Variants in DPY19L1 observed in about 807,000 individuals in gnomAD.
DPY19L1 encodes protein C-mannosyl-transferase DPY19L1.
A neutral mutation model predicts 96.9 loss-of-function variants in DPY19L1; 35 were observed. The ratio of observed to expected loss-of-function variants is 0.36; its 90% CI spans 0.28 to 0.48. The LOEUF is 0.48. Among genes scored for constraint, DPY19L1 ranks in the 20% least tolerant of loss-of-function variants. DPY19L1 has a pLI of 0.99. For missense variants in DPY19L1, 521 were observed against 777.9 expected (o/e 0.67, Z 3.93); for synonymous variants, 205 against 252.6 (o/e 0.81, Z 1.79).
chr7:34,959,477 A>T (rs1294797411), intron 10 of DPY19L1, among the ~76,000 whole-genome samples: 2 of 152,216 alleles, frequency 1.3e-5, no homozygotes, highest in Non-Finnish European at 2.9e-5. Flanking sequence ...ATGCCTGTCA[A>T]TGATAGTCTG....
At position 34,949,969 on chromosome 7, in the gene DPY19L1, C is replaced by A. The variant is rs994444037; in HGVS notation, c.1321-71G>T. 1.2e-5 allele frequency: 10 copies of A among 824,242 alleles called. No individual in the cohort carries two copies. The African/African-American group carries it at 1.5e-4, about 12-fold the overall frequency. The allele number at this position is 824,242 out of a possible 1,614,324, so 51.1% of individuals were successfully genotyped here. On this transcript the variant is annotated intron_variant, in intron 13 of 21. Coordinates refer to ENST00000638088, the MANE Select transcript of DPY19L1 (RefSeq NM_001366673.1). ...TAATATATTTTAATTTCAATAGTAT[C>A]TGAAAATAGTTTTCATTACATTATA...
At chr7:34,977,252 T>G (rs1394630478) in intron 7 of DPY19L1, among the ~76,000 whole-genome samples, 1 of 152,200 alleles carries the variant, frequency 6.6e-6, no homozygotes, top group Admixed American at 6.5e-5. Flanking sequence ...GATCAAAATT[T>G]GTAAAGTCAT....
In DPY19L1 at chr7:34,947,647, C is replaced by A. The variant is rs371744774; in HGVS notation, c.1477G>T (p.Val493Phe). 1 of 1,611,882 alleles carries A rather than the reference C, an allele frequency of 6.2e-7. No homozygotes were observed. The highest frequency in any genetic ancestry group is 1.1e-5 in the South Asian group (1 of 90,652). ...LLLPVVLVVF[V>F]AIVRKIISDM... Reference sequence around the variant, plus strand: ...AGACATACCTTTCTAACAATAGCAACAAACACTACAAGAACAACTGGAAGC... The same window carrying A: ...AGACATACCTTTCTAACAATAGCAAAAAACACTACAAGAACAACTGGAAGC... Residue 493 changes from valine to phenylalanine, a missense_variant, in exon 15 of 22, where the codon GTT becomes TTT. Val to Phe is a conservative substitution (Grantham distance 50, BLOSUM62 -1). Coordinates refer to ENST00000638088, the MANE Select transcript of DPY19L1 (RefSeq NM_001366673.1).
intron 1 of DPY19L1, among the ~76,000 whole-genome samples, chr7:35,035,868 A>G (rs1358607516): frequency 1.3e-5 from 2 of 151,608 alleles, no homozygotes; most frequent in Non-Finnish European, 2.9e-5. Flanking sequence ...AGCTTTTCTA[A>G]CCTGCATACT....
At chr7:35,018,647 CT>C in intron 1 of DPY19L1, 51 bp from the exon 2 acceptor site, 2 of 1,508,140 alleles carry the variant, frequency 1.3e-6, no homozygotes, top group Non-Finnish European at 1.8e-6. Context: ...ACATGTTCAT[CT>C]TACAGAAAAG....
At chr7:34,939,959 T>C (rs1331162002) in intron 19 of DPY19L1, among the ~76,000 whole-genome samples, 194 bp downstream of exon 19, 3 of 152,158 alleles carry the variant, frequency 2.0e-5, no homozygotes, top group Non-Finnish European at 2.9e-5. Flanking sequence ...TAAGAACATA[T>C]GTATAACATT....
intron 6 of DPY19L1, among the ~76,000 whole-genome samples, chr7:34,997,436 C>CAAAAAAAAAAAA (rs397836742): frequency 3.3e-5 from 3 of 91,934 alleles, no homozygotes; most frequent in Non-Finnish European, 4.1e-5. Flanking sequence ...ACTAAAAATA[C>CAAAAAAAAAAAA]AAAAAAAAAA....
intron 7 of DPY19L1, among the ~76,000 whole-genome samples, chr7:34,973,951 G>A (rs1226315192): frequency 6.6e-6 from 1 of 152,134 alleles, no homozygotes; most frequent in African/African-American, 2.4e-5. Flanking sequence ...TTTATCTATT[G>A]TTTGTCTTCT....
Position 34,934,047 on chromosome 7 carries a change from T to C in DPY19L1, c.2091-2318A>G, listed in dbSNP as rs1783813542. Among the ~76,000 whole-genome samples, 3 of 151,854 alleles carry C rather than the reference T, an allele frequency of 2.0e-5. No individual in the cohort carries two copies. In the South Asian group the frequency reaches 6.3e-4, roughly 32 times the overall value. ...GGTGTGATCTCGGCTCACTGCAAGC[T>C]CCACCTCCCAGGTTCACGTCATTCT... On this transcript the variant is annotated intron_variant, in intron 21 of 21. Coordinates refer to ENST00000638088, the MANE Select transcript of DPY19L1 (RefSeq NM_001366673.1).
At position 34,952,559 on chromosome 7, in the gene DPY19L1, C is replaced by G. The variant is rs1477915908; in HGVS notation, c.1320+2139G>C. On this transcript the variant is annotated intron_variant, in intron 13 of 21. Transcript: ENST00000638088. The stretch of plus-strand genomic sequence containing the variant: ...TTTAGGAGATGACATTACCCTGAAA[C>G]CAAAACCAGACAAAATCATTACAAG... Among the ~76,000 whole-genome samples, 5 of 152,076 alleles carry G rather than the reference C, an allele frequency of 3.3e-5. No individual in the cohort carries two copies. The East Asian group carries it at 7.7e-4, about 23-fold the overall frequency.
rs1786455298 is a variant in DPY19L1, at chr7:35,037,377, C to T, written c.18G>A (p.Arg6=). The T allele has an allele frequency of 2.8e-6, 1 of 351,044 alleles. No individual in the cohort carries two copies. The highest frequency in any genetic ancestry group is 4.7e-5 in the Admixed American group (1 of 21,054). 21.7% of individuals were successfully genotyped at this position (351,044 alleles called of 1,614,324 possible). A position where few individuals can be genotyped will look rare whatever the true frequency, so the allele number is the denominator to read the frequency against. MVLQA[R]NKHREAAPKP... is the part of the protein sequence containing the mutation. The stretch of plus-strand genomic sequence containing the variant: ...TGGGAGCCGCCTCCCGGTGCTTGTT[C>T]CGCGCCTGCAGGACCATCTTGGCAT... The change falls in exon 1 of 22, where the codon CGG becomes CGA. Residue 6 remains arginine (R), a synonymous_variant. Transcript: ENST00000638088.
chr7:35,010,552 T>G lies in DPY19L1; in HGVS notation c.680A>C (p.Asp227Ala), dbSNP rs1302454118. 6.2e-7 allele frequency: 1 copy of G among 1,607,532 alleles called. No individual in the cohort carries two copies. Among genetic ancestry groups the G allele is most frequent in the South Asian group, 1.1e-5 (1 of 90,264 alleles). Residue 227 changes from aspartate to alanine, a missense_variant, in exon 6 of 22, where the codon GAT (aspartate) becomes GCT (alanine). Transcript: ENST00000638088. ...SPIESCEGLG[D>A]PACFYVAVIF... ...TACAGCAACATAAAAGCAAGCAGGATCTCCCAATCCTTTAAAAATAAACAA... is the reference window on the plus strand; with the variant it reads ...TACAGCAACATAAAAGCAAGCAGGAGCTCCCAATCCTTTAAAAATAAACAA...
chr7:34,963,709 T>C lies in DPY19L1; in HGVS notation c.1092+3185A>G, dbSNP rs202013258. Among the ~76,000 whole-genome samples, 7 of 150,480 alleles carry C rather than the reference T, an allele frequency of 4.7e-5. No individual in the cohort carries two copies. The East Asian group carries it at 7.8e-4, about 17-fold the overall frequency. On this transcript the variant is annotated intron_variant, in intron 10 of 21. Coordinates refer to ENST00000638088, the MANE Select transcript of DPY19L1 (RefSeq NM_001366673.1). The stretch of plus-strand genomic sequence containing the variant: ...GGATAAGCAGAATCGTGTGTGTGTG[T>C]GCGTGTGTGTGTGTGTCTGTGTACA...
intron 10 of DPY19L1, among the ~76,000 whole-genome samples, chr7:34,961,227 CACT>C (rs1784494342): frequency 1.3e-5 from 2 of 152,168 alleles, no homozygotes; most frequent in Admixed American, 6.5e-5. Flanking sequence ...AGAGGACTGA[CACT>C]ACCCCACTTC....
intron 10 of DPY19L1, among the ~76,000 whole-genome samples, chr7:34,961,037 G>C (rs1289764097): frequency 1.3e-5 from 2 of 152,132 alleles, no homozygotes; most frequent in Non-Finnish European, 2.9e-5. Context: ...ATAAATACAT[G>C]AAGTGTTATT....
chr7:34,965,522 AG>A (rs1354948778), intron 10 of DPY19L1, among the ~76,000 whole-genome samples: 1 of 152,180 alleles, frequency 6.6e-6, no homozygotes, highest in African/African-American at 2.4e-5. Context: ...GGTTACCTCT[AG>A]GAACAGTGAG....
At chr7:34,992,772 T>A (rs1353380807) in intron 6 of DPY19L1, among the ~76,000 whole-genome samples, 1 of 151,874 alleles carries the variant, frequency 6.6e-6, no homozygotes, top group Admixed American at 6.6e-5. Context: ...GATCAGACTA[T>A]AGAAAACCCA....
intron 10 of DPY19L1, among the ~76,000 whole-genome samples, chr7:34,966,019 C>A (rs1784600691): frequency 6.6e-6 from 1 of 152,036 alleles, no homozygotes. Context: ...CCTTTTCTTT[C>A]TTCTAAAATC....
chr7:35,003,066 G>C (rs534860373), intron 6 of DPY19L1, among the ~76,000 whole-genome samples: 1 of 152,104 alleles, frequency 6.6e-6, no homozygotes, highest in Non-Finnish European at 1.5e-5. Flanking sequence ...CACCGTGCCC[G>C]GCCAGCAACC....
Sources: allele counts gnomAD v4.1 joint callset (sites outside exome capture counted in the v4.1 genomes callset), GRCh38; gene constraint gnomAD v4.1.1; transcripts MANE v1.5; gene names NCBI Gene and HGNC (gene_info 2026-07-23, HGNC 2026-07-21).